Variants in TTYH1 observed in about 807,000 individuals in gnomAD.
TTYH1 encodes the protein protein tweety homolog 1.
TTYH1 carries 33 observed loss-of-function variants against 61.2 expected under a neutral mutation model. The ratio of observed to expected loss-of-function variants is 0.54; its 90% CI spans 0.41 to 0.72. The LOEUF is 0.72. Among genes scored for constraint, TTYH1 ranks in the 30% least tolerant of loss-of-function variants. The pLI is 0.00. For synonymous variants in TTYH1, 308 were observed against 266.4 expected (o/e 1.16, Z -1.52); for missense variants, 538 against 575.8 (o/e 0.93, Z 0.67).
intron 10 of TTYH1, chr19:54,432,205 G>A (rs143605423): frequency 0.029 from 4,437 of 152,662 alleles, 93 homozygotes; most frequent in South Asian, 0.087. Flanking sequence ...TGGGCAACAA[G>A]AGCGAAACTC....
chr19:54,429,232 TG>T lies in TTYH1; in HGVS notation c.735-72del. ...GGGTGGAGGTGGGGGGCGGCTGTGATGGGATTTGGGGTGTGGAAAGAGGCTA... is the reference window on the plus strand; with the variant it reads ...GGGTGGAGGTGGGGGGCGGCTGTGATGGATTTGGGGTGTGGAAAGAGGCTA... On this transcript the variant is annotated intron_variant, in intron 5 of 13. Transcript: ENST00000376530. This position sits in a 1 kb window ranked among gnomAD's most constrained non-coding sequence, Gnocchi z 5.1. 7.3e-7 allele frequency: 1 copy of T among 1,379,132 alleles called. No individual in the cohort carries two copies. The highest frequency in any genetic ancestry group is 1.0e-6 in the Non-Finnish European group (1 of 970,848). The allele number at this position is 1,379,132 out of a possible 1,614,324, so 85.4% of individuals were successfully genotyped here.
At chr19:54,433,787 C>G (rs2083486519) in intron 10 of TTYH1, 1 of 151,938 alleles carries the variant, frequency 6.6e-6, no homozygotes, top group African/African-American at 2.4e-5. Flanking sequence ...CTAAGAGAAT[C>G]AGCTCCAATA....
chr19:54,430,226 A>G (rs45446493), intron 7 of TTYH1, among the ~76,000 whole-genome samples: 18,890 of 152,066 alleles, frequency 0.12, 2,727 homozygotes, highest in African/African-American at 0.35. Context: ...GGATAAAGAT[A>G]ATGGTGCCAG....
Position 54,415,745 on chromosome 19 carries a change from A to G in TTYH1, c.126+67A>G, listed in dbSNP as rs1179967880. 7.9e-6 allele frequency: 11 copies of G among 1,393,970 alleles called. No homozygotes were observed. Among genetic ancestry groups the G allele is most frequent in the African/African-American group, 1.5e-5 (1 of 67,316 alleles). The allele number at this position is 1,393,970 out of a possible 1,614,324, so 86.4% of individuals were successfully genotyped here. ...CGGAGCTCCTGGGTCCCGAGGGAGA[A>G]GGGGGCTGGGTCACAGATTTCCTGA... On this transcript the variant is annotated intron_variant, in intron 1 of 13. Transcript: ENST00000376530. This position sits in a 1 kb window ranked among gnomAD's most constrained non-coding sequence, Gnocchi z 5.2.
At position 54,415,725 on chromosome 19, in the gene TTYH1, C is replaced by T. The variant is rs1460373592; in HGVS notation, c.126+47C>T. ...TGGGGGCCAGGGCTGGGGGCCGGAG[C>T]TCCTGGGTCCCGAGGGAGAAGGGGG... On this transcript the variant is annotated intron_variant, in intron 1 of 13. Coordinates refer to ENST00000376530, the MANE Select transcript of TTYH1 (RefSeq NM_020659.4). This position sits in a 1 kb window ranked among gnomAD's most constrained non-coding sequence, Gnocchi z 5.2. 2.0e-6 allele frequency: 3 copies of T among 1,465,066 alleles called. No individual in the cohort carries two copies. Among genetic ancestry groups the T allele is most frequent in the East Asian group, 5.3e-5 (2 of 37,800 alleles). 90.8% of individuals were successfully genotyped at this position (1,465,066 alleles called of 1,614,324 possible). A position where few individuals can be genotyped will look rare whatever the true frequency, so the allele number is the denominator to read the frequency against.
Position 54,419,549 on chromosome 19 carries a change from A to T in TTYH1, c.305+243A>T, listed in dbSNP as rs1019769599. 3 of 696,456 alleles carry T rather than the reference A, an allele frequency of 4.3e-6. No individual in the cohort carries two copies. The highest frequency in any genetic ancestry group is 7.8e-6 in the Non-Finnish European group (3 of 382,624). 43.1% of individuals were successfully genotyped at this position (696,456 alleles called of 1,614,324 possible). ...AATCAAGGGCAGCCATCTGGTGAGA[A>T]GGCGCAGGGGCAGTCAGATGGCCTG... is the stretch of plus-strand genomic sequence containing the variant. On this transcript the variant is annotated intron_variant, in intron 2 of 13. Coordinates refer to ENST00000376530, the MANE Select transcript of TTYH1 (RefSeq NM_020659.4). This position sits in a 1 kb window ranked among gnomAD's most constrained non-coding sequence, Gnocchi z 6.1.
chr19:54,430,980 G>A, intron 9 of TTYH1, 75 bp downstream of exon 9: 2 of 1,546,310 alleles, frequency 1.3e-6, no homozygotes, highest in South Asian at 1.1e-5. Context: ...GCTGTGGGGC[G>A]TAGGCGGGGC....
Position 54,421,669 on chromosome 19 carries a change from G to A in TTYH1, c.417+281G>A, listed in dbSNP as rs1355028492. 2.0e-5 allele frequency among the ~76,000 whole-genome samples: 3 copies of A among 151,448 alleles called. No homozygotes were observed. The highest frequency in any genetic ancestry group is 6.6e-5 in the Admixed American group (1 of 15,224). ...ACCAGCGACACCAGCCCCTGTCCAC[G>A]GGCCAGATCCAGGGCCCCAGACCTG... is the stretch of plus-strand genomic sequence containing the variant. On this transcript the variant is annotated intron_variant, in intron 3 of 13. Transcript: ENST00000376530. The surrounding 1 kb of genome is among the most constrained non-coding windows in gnomAD (Gnocchi z 4.8).
In TTYH1 at chr19:54,415,972, A is replaced by C; in HGVS notation, c.126+294A>C. 1 of 1,259,234 alleles carries C rather than the reference A, an allele frequency of 7.9e-7. No homozygotes were observed. Among genetic ancestry groups the C allele is most frequent in the Non-Finnish European group, 1.1e-6 (1 of 930,772 alleles). The allele number at this position is 1,259,234 out of a possible 1,614,324, so 78.0% of individuals were successfully genotyped here. A position where few individuals can be genotyped will look rare whatever the true frequency, so the allele number is the denominator to read the frequency against. ...GGGGGCCCGGATTCCCGGGTGTCTGATACCTGCCTGGGAAGCCGGCCTCCA... is the reference window on the plus strand; with the variant it reads ...GGGGGCCCGGATTCCCGGGTGTCTGCTACCTGCCTGGGAAGCCGGCCTCCA... On this transcript the variant is annotated intron_variant, in intron 1 of 13. Transcript: ENST00000376530. This position sits in a 1 kb window ranked among gnomAD's most constrained non-coding sequence, Gnocchi z 5.2.
intron 4 of TTYH1, among the ~76,000 whole-genome samples, chr19:54,423,162 C>T (rs1038208757): frequency 6.6e-6 from 1 of 150,412 alleles, no homozygotes; most frequent in South Asian, 2.1e-4. Flanking sequence ...CTCACTCAGT[C>T]GTTCATCCGT....
In TTYH1 at chr19:54,415,876, C is replaced by T. The variant is rs1457924619; in HGVS notation, c.126+198C>T. 13 of 785,866 alleles carry T rather than the reference C, an allele frequency of 1.7e-5. No individual in the cohort carries two copies. The allele number at this position is 785,866 out of a possible 1,614,324, so 48.7% of individuals were successfully genotyped here. A position where few individuals can be genotyped will look rare whatever the true frequency, so the allele number is the denominator to read the frequency against. ...TTCTCCTGGGACGCGCGCTGGGGGT[C>T]CAGACCTCGAGCTCTCTAAATAAGG... On this transcript the variant is annotated intron_variant, in intron 1 of 13. Coordinates refer to ENST00000376530, the MANE Select transcript of TTYH1 (RefSeq NM_020659.4). This position sits in a 1 kb window ranked among gnomAD's most constrained non-coding sequence, Gnocchi z 5.2.
intron 5 of TTYH1, 139 bp downstream of exon 5, chr19:54,426,907 G>A: frequency 1.4e-6 from 1 of 713,248 alleles, no homozygotes; most frequent in Non-Finnish European, 2.3e-6. Flanking sequence ...AGTCAGAGCA[G>A]CCCAGGAGGG....
At position 54,422,179 on chromosome 19, in the gene TTYH1, C is replaced by G. The variant is rs540294426; in HGVS notation, c.418-11C>G. The stretch of plus-strand genomic sequence containing the variant: ...TGTCCTTCCAGACCTCAGCCCCTGT[C>G]CTATCCCCAGGTGTTGGAGACGGTG... On this transcript the variant is annotated splice_polypyrimidine_tract_variant and intron_variant, in intron 3 of 13. Transcript: ENST00000376530. 7.1e-6 allele frequency: 11 copies of G among 1,551,350 alleles called. No individual in the cohort carries two copies. In the South Asian group the frequency reaches 1.2e-4, roughly 17 times the overall value.
intron 4 of TTYH1, among the ~76,000 whole-genome samples, chr19:54,424,519 G>A (rs1156554573): frequency 1.3e-5 from 2 of 152,246 alleles, no homozygotes; most frequent in African/African-American, 4.8e-5. Flanking sequence ...AGACAGGCCT[G>A]GGTTTGAAGA....
chr19:54,426,742 G>A lies in TTYH1; in HGVS notation c.708G>A (p.Ala236=), dbSNP rs570830237. The A allele has an allele frequency of 4.8e-5, 78 of 1,614,050 alleles. 1 individual carries two copies. The highest frequency in any genetic ancestry group is 4.8e-4 in the South Asian group (44 of 91,084). Residue 236 remains alanine (A), a synonymous_variant, in exon 5 of 14, where the codon GCG becomes GCA. Transcript: ENST00000376530. ...LVCLFTLLGL[A]KQSKWLVIVM... is the part of the protein sequence containing the mutation. Reference sequence around the variant, plus strand: ...GCCTCTTCACCCTCCTGGGCCTGGCGAAGCAGAGCAAGTGGCTGGTGATCG... The same window carrying A: ...GCCTCTTCACCCTCCTGGGCCTGGCAAAGCAGAGCAAGTGGCTGGTGATCG...
In TTYH1 at chr19:54,431,117, G is replaced by C. The variant is rs201071440; in HGVS notation, c.1051G>C (p.Glu351Gln). Residue 351 changes from glutamate to glutamine, a missense_variant, in exon 10 of 14, where the codon GAG becomes CAG. This residue lies in a region of TTYH1 where 378 missense variants were observed against 401.2 expected (regional missense o/e 0.94). Coordinates refer to ENST00000376530, the MANE Select transcript of TTYH1 (RefSeq NM_020659.4). ...PSAQKPLLSL[E>Q]ETLNVTEGNF... ...CCCGCAGAAGCCTCTGCTGTCCTTG[G>C]AGGAGACTCTGAATGTGACAGAAGG... 1 of 1,613,812 alleles carries C rather than the reference G, an allele frequency of 6.2e-7. No homozygotes were observed. Among genetic ancestry groups the C allele is most frequent in the African/African-American group, 1.3e-5 (1 of 75,030 alleles).
Position 54,421,382 on chromosome 19 carries a change from C to T in TTYH1, c.411C>T (p.Asp137=). ...LHANHTLSTI[D]HLVLETVERL... is the part of the protein sequence containing the mutation. ...CCAACCACACACTCAGCACCATTGA[C>T]CACCTGGTGAGGGGCCAGCAACCAG... The change falls in exon 3 of 14, where the codon GAC becomes GAT. Residue 137 remains aspartate (D), a synonymous_variant. Transcript: ENST00000376530. The surrounding 1 kb of genome is among the most constrained non-coding windows in gnomAD (Gnocchi z 4.8). 1.2e-6 allele frequency: 2 copies of T among 1,611,336 alleles called. No individual in the cohort carries two copies. Among genetic ancestry groups the T allele is most frequent in the Non-Finnish European group, 1.7e-6 (2 of 1,177,610 alleles).
intron 4 of TTYH1, among the ~76,000 whole-genome samples, chr19:54,422,876 C>G (rs2083246764): frequency 1.4e-5 from 2 of 146,112 alleles, no homozygotes; most frequent in African/African-American, 2.6e-5. Context: ...TTGCAGTGAG[C>G]CGAGATTTCA....
rs944865750 is a variant in TTYH1 at position 54,436,609 on chromosome 19, C to T, written c.*319C>T. ...AGCTGGGGGTGGGGGACATGAGTCC[C>T]CCTGCTGCCCCTGCCACATCCCAGT... is the stretch of plus-strand genomic sequence containing the variant. On this transcript the variant is annotated 3_prime_UTR_variant, in exon 14 of 14. Coordinates refer to ENST00000376530, the MANE Select transcript of TTYH1 (RefSeq NM_020659.4). The surrounding 1 kb of genome is among the most constrained non-coding windows in gnomAD (Gnocchi z 4.3). 11 of 583,192 alleles carry T rather than the reference C, an allele frequency of 1.9e-5. No homozygotes were observed. The highest frequency in any genetic ancestry group is 2.8e-5 in the Non-Finnish European group (9 of 325,722). 36.1% of individuals were successfully genotyped at this position (583,192 alleles called of 1,614,324 possible). A position where few individuals can be genotyped will look rare whatever the true frequency, so the allele number is the denominator to read the frequency against.
Sources: gnomAD v4.1 joint callset for allele counts (sites outside exome capture counted in the v4.1 genomes callset) on GRCh38, gnomAD v4.1.1 for gene constraint, gnomAD v4.1.1 regional missense constraint, Gnocchi (gnomAD v3.1) non-coding constraint, MANE v1.5 for transcripts, NCBI Gene and HGNC (gene_info 2026-07-23, HGNC 2026-07-21) for gene names.